Variants in PRKAG2 observed in about 807,000 individuals in gnomAD.
PRKAG2 encodes 5'-AMP-activated protein kinase subunit gamma-2.
A neutral mutation model predicts 69.6 loss-of-function variants in PRKAG2; 26 were observed. The ratio of observed to expected loss-of-function variants is 0.37; its 90% CI spans 0.27 to 0.52. The LOEUF is 0.52. PRKAG2 is among the 20% of genes least tolerant of loss of function. PRKAG2 has a pLI of 0.90. For synonymous variants in PRKAG2, 293 were observed against 285.0 expected, an observed-to-expected ratio of 1.03 and a Z score of -0.28; for missense variants, 557 against 740.0, an observed-to-expected ratio of 0.75 and a Z score of 2.87.
At position 151,857,813 on chromosome 7, in the gene PRKAG2, G is replaced by A. The variant is rs185800191; in HGVS notation, c.114+18694C>T. Among the ~76,000 whole-genome samples the A allele has an allele frequency of 1.1e-4, 17 of 152,310 alleles. No homozygotes were observed. The East Asian group carries it at 1.9e-3, about 17-fold the overall frequency. On this transcript the variant is annotated intron_variant, in intron 1 of 15. Coordinates refer to ENST00000287878, the MANE Select transcript of PRKAG2 (RefSeq NM_016203.4). ...AGTCATCTGAACCAGGTGCCACCTC[G>A]CTGGAGCATCAGAAGGCGGGCATAC...
chr7:151,623,901 C>A (rs936398476), intron 5 of PRKAG2, among the ~76,000 whole-genome samples: 1 of 152,026 alleles, frequency 6.6e-6, no homozygotes, highest in African/African-American at 2.4e-5. Context: ...TCTTACAATG[C>A]GCATGTGTGT....
Position 151,583,343 on chromosome 7 carries a change from G to T in PRKAG2, c.865-6891C>A, listed in dbSNP as rs938688202. ...ATCCACATACACTGTTGACCTGTCC[G>T]CAGGTCACTGAGGAAGTCTCAATTC... On this transcript the variant is annotated intron_variant, in intron 6 of 15. Transcript: ENST00000287878. The surrounding 1 kb of genome is among the most constrained non-coding windows in gnomAD (Gnocchi z 4.1). 2.0e-5 allele frequency among the ~76,000 whole-genome samples: 3 copies of T among 152,088 alleles called. No individual in the cohort carries two copies. Among genetic ancestry groups the T allele is most frequent in the Non-Finnish European group, 2.9e-5 (2 of 68,014 alleles).
At chr7:151,572,108 GTA>G (rs1807719030) in intron 9 of PRKAG2, among the ~76,000 whole-genome samples, 1 of 152,174 alleles carries the variant, frequency 6.6e-6, no homozygotes, top group South Asian at 2.1e-4. Context: ...GCAGAAAAGA[GTA>G]TCATGATTTT....
chr7:151,820,907 T>C (rs1402978697), intron 1 of PRKAG2, among the ~76,000 whole-genome samples: 2 of 17,970 alleles, frequency 1.1e-4, no homozygotes. Context: ...TCCCGCTCTC[T>C]CTCTCGGCAC....
In PRKAG2 at chr7:151,835,832, T is replaced by C. The variant is rs1262066386; in HGVS notation, c.114+40675A>G. On this transcript the variant is annotated intron_variant, in intron 1 of 15. Coordinates refer to ENST00000287878, the MANE Select transcript of PRKAG2 (RefSeq NM_016203.4). This position sits in a 1 kb window ranked among gnomAD's most constrained non-coding sequence, Gnocchi z 4.1. ...AGGAAGGGCCCACTGTGATGGCAGA[T>C]TGCTGGCTGCTCACCGTGATGAAAG... Among the ~76,000 whole-genome samples the C allele has an allele frequency of 4.6e-5, 7 of 152,148 alleles. No individual in the cohort carries two copies. Among genetic ancestry groups the C allele is most frequent in the African/African-American group, 7.2e-5 (3 of 41,424 alleles).
Position 151,710,020 on chromosome 7 carries a change from G to A in PRKAG2, c.467-34383C>T, listed in dbSNP as rs143702221. Among the ~76,000 whole-genome samples, 973 of 152,246 alleles carry A rather than the reference G, an allele frequency of 6.4e-3. 9 individuals carry two copies. Among genetic ancestry groups the A allele is most frequent in the East Asian group, 0.031 (158 of 5,176 alleles). On this transcript the variant is annotated intron_variant, in intron 3 of 15. Coordinates refer to ENST00000287878, the MANE Select transcript of PRKAG2 (RefSeq NM_016203.4). ...AAAAGCATTTACAGTAGAGCCCCAC[G>A]GAGCACTCTCGAGTCTAGAAGGGTG... is the stretch of plus-strand genomic sequence containing the variant.
At chr7:151,576,177 G>T (rs1808881610) in intron 7 of PRKAG2, 194 bp downstream of exon 7, 1 of 625,432 alleles carries the variant, frequency 1.6e-6, no homozygotes, top group Admixed American at 2.5e-5. Flanking sequence ...CTGGGCTCAA[G>T]CGATCTCCCT....
At chr7:151,646,428 T>C (rs1827576358) in intron 4 of PRKAG2, among the ~76,000 whole-genome samples, 1 of 152,242 alleles carries the variant, frequency 6.6e-6, no homozygotes, top group Non-Finnish European at 1.5e-5. Context: ...TATTTATTTT[T>C]TGATGCTCTC....
At position 151,756,835 on chromosome 7, in the gene PRKAG2, G is replaced by T. The variant is rs931129048; in HGVS notation, c.466+24317C>A. Among the ~76,000 whole-genome samples, 3 of 152,130 alleles carry T rather than the reference G, an allele frequency of 2.0e-5. No individual in the cohort carries two copies. The highest frequency in any genetic ancestry group is 3.8e-4 in the East Asian group (2 of 5,202). On this transcript the variant is annotated intron_variant, in intron 3 of 15. Transcript: ENST00000287878. The surrounding 1 kb of genome is among the most constrained non-coding windows in gnomAD (Gnocchi z 4.9). ...CCACATAATCAGAACTGTGACGTCC[G>T]TGTATTAAACTCCATCTGCTTTTAG...
chr7:151,751,154 G>A (rs1024268552), intron 3 of PRKAG2, among the ~76,000 whole-genome samples: 1 of 148,664 alleles, frequency 6.7e-6, no homozygotes, highest in Admixed American at 6.8e-5. Flanking sequence ...CTGGAGTGTA[G>A]TGGTGTGATC....
chr7:151,842,409 TG>T (rs2079325097), intron 1 of PRKAG2, among the ~76,000 whole-genome samples: 1 of 133,586 alleles, frequency 7.5e-6, no homozygotes, highest in South Asian at 2.5e-4. Context: ...TAGGTGGGGA[TG>T]GTAGTGATGG....
chr7:151,814,954 A>G lies in PRKAG2; in HGVS notation c.115-28413T>C. On this transcript the variant is annotated intron_variant, in intron 1 of 15. Transcript: ENST00000287878. The surrounding 1 kb of genome is among the most constrained non-coding windows in gnomAD (Gnocchi z 4.8). ...AGGCAGCAGGATGGAGGGAGGCAGGAGCAGAGGCCGATGATGCAGCAGTGG... is the reference window on the plus strand; with the variant it reads ...AGGCAGCAGGATGGAGGGAGGCAGGGGCAGAGGCCGATGATGCAGCAGTGG... 1 of 1,030,560 alleles carries G rather than the reference A, an allele frequency of 9.7e-7. No individual in the cohort carries two copies. Among genetic ancestry groups the G allele is most frequent in the Non-Finnish European group, 1.2e-6 (1 of 805,258 alleles). 63.8% of individuals were successfully genotyped at this position (1,030,560 alleles called of 1,614,324 possible).
At chr7:151,834,426 C>T (rs934928010) in intron 1 of PRKAG2, among the ~76,000 whole-genome samples, 1 of 152,204 alleles carries the variant, frequency 6.6e-6, no homozygotes, top group Non-Finnish European at 1.5e-5. Context: ...AGGGGAGGTG[C>T]AGGGTTAGCT....
At chr7:151,745,675 G>A (rs1046442293) in intron 3 of PRKAG2, among the ~76,000 whole-genome samples, 1 of 152,124 alleles carries the variant, frequency 6.6e-6, no homozygotes, top group African/African-American at 2.4e-5. Flanking sequence ...AGGCAACAGG[G>A]GCATCTTGAT....
At chr7:151,702,937 T>C (rs923288609) in intron 3 of PRKAG2, among the ~76,000 whole-genome samples, 1 of 152,138 alleles carries the variant, frequency 6.6e-6, no homozygotes, top group Non-Finnish European at 1.5e-5. Context: ...CTGGAGCAAG[T>C]AGAGTGAATG....
chr7:151,729,132 G>A (rs1453950778), intron 3 of PRKAG2, among the ~76,000 whole-genome samples: 1 of 149,364 alleles, frequency 6.7e-6, no homozygotes, highest in Non-Finnish European at 1.5e-5. Flanking sequence ...GATGGGTTAT[G>A]AGCTTTTCCA....
chr7:151,578,451 T>C (rs1052198533), intron 6 of PRKAG2, among the ~76,000 whole-genome samples: 1 of 152,226 alleles, frequency 6.6e-6, no homozygotes, highest in Non-Finnish European at 1.5e-5. Context: ...GACTAATAAC[T>C]TAGTACCTAT....
intron 6 of PRKAG2, among the ~76,000 whole-genome samples, chr7:151,594,411 T>C (rs55897135): frequency 0.01 from 1,587 of 152,340 alleles, 22 homozygotes; most frequent in African/African-American, 0.036. Context: ...TGAATGTAGT[T>C]TGATCACGGT....
intron 3 of PRKAG2, among the ~76,000 whole-genome samples, chr7:151,727,474 C>G (rs1354892138): frequency 2.6e-5 from 4 of 152,160 alleles, no homozygotes; most frequent in Non-Finnish European, 5.9e-5. Context: ...AGCTGGGGTG[C>G]CCCTGGGCAG....
Sources: gnomAD v4.1 joint callset for allele counts (sites outside exome capture counted in the v4.1 genomes callset) on GRCh38, gnomAD v4.1.1 for gene constraint, Gnocchi (gnomAD v3.1) non-coding constraint, MANE v1.5 for transcripts, NCBI Gene and HGNC (gene_info 2026-07-23, HGNC 2026-07-21) for gene names.